GOLIM4: variants seen among roughly 807,000 people sequenced by gnomAD.
GOLIM4 encodes golgi integral membrane protein 4, also known as 130 kDa golgi-localized phosphoprotein.
Under a neutral mutation model 107.4 loss-of-function variants are expected in GOLIM4, and 71 were observed. The ratio of observed to expected loss-of-function variants is 0.66; its 90% CI spans 0.55 to 0.81. The LOEUF (loss-of-function observed/expected upper bound fraction) is 0.81, where lower values mean the gene tolerates loss of function less well. Among genes scored for constraint, GOLIM4 ranks in the 30% least tolerant of loss-of-function variants. The pLI is 0.00. For synonymous variants in GOLIM4, 327 were observed against 294.8 expected (o/e 1.11, Z -1.12); for missense variants, 830 against 826.1 (o/e 1.00, Z -0.06).
intron 3 of GOLIM4, among the ~76,000 whole-genome samples, chr3:168,045,190 C>T (rs568362553): frequency 2.0e-5 from 3 of 152,220 alleles, no homozygotes; most frequent in Admixed American, 1.3e-4. Context: ...CCCAGACATA[C>T]GAACTTGTCC....
chr3:168,063,166 A>T (rs540361688), intron 1 of GOLIM4, among the ~76,000 whole-genome samples: 1 of 152,162 alleles, frequency 6.6e-6, no homozygotes, highest in African/African-American at 2.4e-5. Flanking sequence ...AACACCACCA[A>T]ACTACTTAAC....
intron 3 of GOLIM4, among the ~76,000 whole-genome samples, chr3:168,046,633 G>A (rs1719321445): frequency 6.6e-6 from 1 of 152,168 alleles, no homozygotes; most frequent in Non-Finnish European, 1.5e-5. Flanking sequence ...CACATGTGAA[G>A]GCAAACCAAA....
chr3:168,050,822 T>TATAATAATAATA (rs140084468), intron 1 of GOLIM4, among the ~76,000 whole-genome samples: 453 of 136,310 alleles, frequency 3.3e-3, no homozygotes, highest in Middle Eastern at 7.7e-3. Flanking sequence ...TAGCAACACC[T>TATAATAATAATA]ATAATAATAA....
chr3:168,016,926 A>T (rs761834008), intron 14 of GOLIM4, among the ~76,000 whole-genome samples: 1 of 140,278 alleles, frequency 7.1e-6, no homozygotes, highest in Non-Finnish European at 1.5e-5. Flanking sequence ...TAGCATTGGG[A>T]AATATACCTA....
chr3:168,035,532 C>A (rs1334744525), intron 8 of GOLIM4, among the ~76,000 whole-genome samples: 2 of 152,174 alleles, frequency 1.3e-5, no homozygotes, highest in Non-Finnish European at 2.9e-5. Context: ...TCATCTGTAG[C>A]AAACCAACAC....
chr3:168,045,810 T>G (rs1719267641), intron 3 of GOLIM4, among the ~76,000 whole-genome samples: 1 of 152,186 alleles, frequency 6.6e-6, no homozygotes, highest in African/African-American at 2.4e-5. Flanking sequence ...GCACACAGCT[T>G]TGGTTAGTGC....
chr3:168,056,491 T>C (rs1044428050), intron 1 of GOLIM4, among the ~76,000 whole-genome samples: 2 of 152,072 alleles, frequency 1.3e-5, no homozygotes, highest in East Asian at 1.9e-4. Context: ...CACTAACAGC[T>C]TGCACCATGC....
chr3:168,065,050 A>G (rs758714039), intron 1 of GOLIM4, among the ~76,000 whole-genome samples: 3 of 152,148 alleles, frequency 2.0e-5, no homozygotes, highest in Non-Finnish European at 4.4e-5. Context: ...TTTGGGGAAA[A>G]TAACACAGGC....
At chr3:168,052,409 CACACACAGATGTAT>C (rs1719705255) in intron 1 of GOLIM4, among the ~76,000 whole-genome samples, 1 of 152,060 alleles carries the variant, frequency 6.6e-6, no homozygotes, top group African/African-American at 2.4e-5. Flanking sequence ...CTCTCTCTCA[CACACACAGATGTAT>C]ACACACACAT....
rs1722145127 is a variant in GOLIM4, at chr3:168,095,484, C to G, written c.-199G>C. The G allele has an allele frequency of 3.8e-6, 2 of 533,092 alleles. No individual in the cohort carries two copies. Among genetic ancestry groups the G allele is most frequent in the South Asian group, 4.8e-5 (2 of 41,642 alleles). The allele number at this position is 533,092 out of a possible 1,614,324, so 33.0% of individuals were successfully genotyped here. A position where few individuals can be genotyped will look rare whatever the true frequency, so the allele number is the denominator to read the frequency against. On this transcript the variant is annotated 5_prime_UTR_variant, in exon 1 of 16. Coordinates refer to ENST00000470487, the MANE Select transcript of GOLIM4 (RefSeq NM_014498.5). ...GCGGGGCGCGCAGCCATCGACGCCG[C>G]CCGGGCAGCTGCAGCCAAACTTCTG...
At position 168,040,880 on chromosome 3, in the gene GOLIM4, A is replaced by C; in HGVS notation, c.601-11T>G. The C allele has an allele frequency of 6.3e-7, 1 of 1,586,606 alleles. No individual in the cohort carries two copies. Among genetic ancestry groups the C allele is most frequent in the Non-Finnish European group, 8.7e-7 (1 of 1,155,242 alleles). On this transcript the variant is annotated splice_polypyrimidine_tract_variant and intron_variant, in intron 6 of 15. Transcript: ENST00000470487. ...ATTCTTATGCTGTTGCTACACAAAA[A>C]AGAATTTTACATGTTGAGCTTTAAC...
rs550721356 is a variant in GOLIM4, at chr3:168,051,332, T to C, written c.188-2967A>G. 5.3e-5 allele frequency among the ~76,000 whole-genome samples: 8 copies of C among 152,274 alleles called. No individual in the cohort carries two copies. In the East Asian group the frequency reaches 1.5e-3, roughly 29 times the overall value. On this transcript the variant is annotated intron_variant, in intron 1 of 15. Coordinates refer to ENST00000470487, the MANE Select transcript of GOLIM4 (RefSeq NM_014498.5). ...CAAAGTACCCATTTATCAAACTGAATCATACAACTGTCTTTGACAGTTCCA... is the reference window on the plus strand; with the variant it reads ...CAAAGTACCCATTTATCAAACTGAACCATACAACTGTCTTTGACAGTTCCA...
chr3:168,090,426 C>T (rs924610979), intron 1 of GOLIM4, among the ~76,000 whole-genome samples: 28 of 152,226 alleles, frequency 1.8e-4, no homozygotes, highest in African/African-American at 6.7e-4. Context: ...AAATGCTCAA[C>T]ATCACTAAGC....
chr3:168,048,989 A>G (rs976923269), intron 1 of GOLIM4, among the ~76,000 whole-genome samples: 12 of 152,150 alleles, frequency 7.9e-5, no homozygotes, highest in Admixed American at 3.3e-4. Flanking sequence ...GAATTTATAA[A>G]AGGGTCCACA....
chr3:168,010,674 A>T, intron 15 of GOLIM4, 69 bp downstream of exon 15: 1 of 1,126,704 alleles, frequency 8.9e-7, no homozygotes, highest in Admixed American at 1.7e-5. Flanking sequence ...AAATACATAT[A>T]TCTCTCCTAT....
Position 168,054,979 on chromosome 3 carries a change from G to A in GOLIM4, c.188-6614C>T, listed in dbSNP as rs367646468. Among the ~76,000 whole-genome samples, 8 of 152,204 alleles carry A rather than the reference G, an allele frequency of 5.3e-5. No individual in the cohort carries two copies. The East Asian group carries it at 7.7e-4, about 15-fold the overall frequency. ...TCTTTTGTCTGCTGCCATGTGAGAC[G>A]TAACTTTCACCTTCCGCCATGATTG... On this transcript the variant is annotated intron_variant, in intron 1 of 15. Coordinates refer to ENST00000470487, the MANE Select transcript of GOLIM4 (RefSeq NM_014498.5).
At chr3:168,018,993 A>G (rs1717531360) in intron 14 of GOLIM4, among the ~76,000 whole-genome samples, 1 of 151,826 alleles carries the variant, frequency 6.6e-6, no homozygotes, top group Non-Finnish European at 1.5e-5. Flanking sequence ...CAAAAAAAAA[A>G]AAAGAAAACA....
At chr3:168,077,814 C>T (rs1457815376) in intron 1 of GOLIM4, among the ~76,000 whole-genome samples, 1 of 152,034 alleles carries the variant, frequency 6.6e-6, no homozygotes, top group East Asian at 1.9e-4. Context: ...CATTCTATTG[C>T]TAAGGCCTTA....
intron 1 of GOLIM4, among the ~76,000 whole-genome samples, chr3:168,069,709 A>T (rs1190691162): frequency 6.6e-6 from 1 of 152,226 alleles, no homozygotes; most frequent in Non-Finnish European, 1.5e-5. Context: ...AAATGAATTA[A>T]CTATGGAAAC....
Sources: gnomAD v4.1 joint callset for allele counts (sites outside exome capture counted in the v4.1 genomes callset) on GRCh38, gnomAD v4.1.1 for gene constraint, MANE v1.5 for transcripts, NCBI Gene and HGNC (gene_info 2026-07-23, HGNC 2026-07-21) for gene names.